Variants in FHAD1 observed in about 807,000 individuals in gnomAD.
The protein encoded by FHAD1 is forkhead associated phosphopeptide binding domain 1, also known as forkhead-associated domain-containing protein 1.
In FHAD1, 146 loss-of-function variants were observed where a neutral mutation model predicts 191.3. The observed-to-expected ratio is 0.76, with a 90% confidence interval of 0.67 to 0.88. The LOEUF is 0.88. FHAD1 is among the 40% of genes least tolerant of loss of function. The pLI is 0.00. For missense variants in FHAD1, 1,635 were observed against 1,785.8 expected (o/e 0.92, Z 1.52); for synonymous variants, 616 against 672.3 (o/e 0.92, Z 1.29).
At chr1:15,366,655 T>C (rs991150187) in intron 24 of FHAD1, among the ~76,000 whole-genome samples, 1 of 152,198 alleles carries the variant, frequency 6.6e-6, no homozygotes, top group Non-Finnish European at 1.5e-5. Context: ...CCAGGCCTTC[T>C]CTTCCTCAGA....
chr1:15,359,433 G>A (rs1004901914), intron 21 of FHAD1, among the ~76,000 whole-genome samples: 14 of 152,250 alleles, frequency 9.2e-5, no homozygotes, highest in African/African-American at 3.4e-4. Context: ...GGGAGCAGAA[G>A]GCGGGCAGTG....
chr1:15,402,038 A>C (rs1033483828), downstream of FHAD1, among the ~76,000 whole-genome samples: 14 of 152,348 alleles, frequency 9.2e-5, no homozygotes, highest in African/African-American at 2.9e-4. Context: ...CATCTTTAGC[A>C]AACTGTTTTC....
chr1:15,390,112 G>A (rs1212244006), intron 32 of FHAD1, among the ~76,000 whole-genome samples: 2 of 152,078 alleles, frequency 1.3e-5, no homozygotes, highest in African/African-American at 4.8e-5. Context: ...TTGGGAGGAC[G>A]AGGCAGGCTG....
intron 31 of FHAD1, among the ~76,000 whole-genome samples, chr1:15,385,418 CCT>C (rs1184264541): frequency 1.3e-5 from 2 of 152,142 alleles, no homozygotes. Context: ...ACTATCCGCC[CCT>C]GACACACAGA....
chr1:15,296,251 A>ATTTTT (rs779409884), intron 4 of FHAD1, among the ~76,000 whole-genome samples: 1 of 134,596 alleles, frequency 7.4e-6, no homozygotes, highest in Non-Finnish European at 1.6e-5. Flanking sequence ...CCACTTTGTA[A>ATTTTT]TTTTTTTTTT....
chr1:15,313,020 C>T (rs1488011723), intron 7 of FHAD1, 37 bp from the exon 8 acceptor site: 1 of 1,549,218 alleles, frequency 6.5e-7, no homozygotes, highest in Non-Finnish European at 8.7e-7. Context: ...GTCATCCTCA[C>T]TGCCTCTTTG....
At position 15,375,606 on chromosome 1, in the gene FHAD1, A is replaced by C. The variant is rs779918824; in HGVS notation, c.3581A>C (p.His1194Pro). The change falls in exon 28 of 34, where the codon CAT (histidine) becomes CCT (proline). Residue 1194 changes from histidine (H) to proline (P), a missense_variant. Coordinates refer to ENST00000688493, the MANE Select transcript of FHAD1 (RefSeq NM_001391957.1). ...KELEKARSPD[H>P]KDHQNESFLD... ...GTCTACTTTATTTCTTTTACAGATC[A>C]TAAAGACCACCAGAATGAATCATTT... 1 of 1,528,442 alleles carries C rather than the reference A, an allele frequency of 6.5e-7. No homozygotes were observed. Among genetic ancestry groups the C allele is most frequent in the African/African-American group, 1.4e-5 (1 of 71,380 alleles). 94.7% of individuals were successfully genotyped at this position (1,528,442 alleles called of 1,614,324 possible).
At chr1:15,348,984 C>A in intron 18 of FHAD1, 58 bp from the exon 19 acceptor site, 1 of 988,022 alleles carries the variant, frequency 1.0e-6, no homozygotes, top group Non-Finnish European at 1.5e-6. Flanking sequence ...ATTATCATTA[C>A]TAGCAATTTC....
chr1:15,244,146 A>T (rs1423468056), upstream of FHAD1, among the ~76,000 whole-genome samples: 1 of 152,026 alleles, frequency 6.6e-6, no homozygotes, highest in Non-Finnish European at 1.5e-5. This position sits in a 1 kb window ranked among gnomAD's most constrained non-coding sequence, Gnocchi z 5.1. Context: ...ATATCATAAA[A>T]CCCTAAGTTA....
At chr1:15,369,839 G>C (rs1187721324) in intron 26 of FHAD1, among the ~76,000 whole-genome samples, 1 of 152,176 alleles carries the variant, frequency 6.6e-6, no homozygotes, top group Non-Finnish European at 1.5e-5. Flanking sequence ...CTGTGACCTT[G>C]GGGAGGTCAC....
intron 20 of FHAD1, 103 bp downstream of exon 20, chr1:15,353,087 G>A: frequency 2.4e-6 from 2 of 817,476 alleles, no homozygotes; most frequent in Non-Finnish European, 2.0e-6. Context: ...CCCATCCCTG[G>A]CTGGGGGACT....
At chr1:15,395,727 C>T (rs1025337946) in intron 33 of FHAD1, among the ~76,000 whole-genome samples, 3 of 152,180 alleles carry the variant, frequency 2.0e-5, no homozygotes, top group South Asian at 2.1e-4. Context: ...TTGTCCAACC[C>T]GCAGCCCAGG....
In FHAD1 at chr1:15,357,853, C is replaced by T. The variant is rs770157249; in HGVS notation, c.2563-257C>T. On this transcript the variant is annotated intron_variant, in intron 20 of 33. Coordinates refer to ENST00000688493, the MANE Select transcript of FHAD1 (RefSeq NM_001391957.1). Reference sequence around the variant, plus strand: ...GCTGTCTCATAAAAGAGAAATAAAACATACTCAATGAGCTCCAGGTGACAG... The same window carrying T: ...GCTGTCTCATAAAAGAGAAATAAAATATACTCAATGAGCTCCAGGTGACAG... 102 of 357,624 alleles carry T rather than the reference C, an allele frequency of 2.9e-4. 1 individual carries two copies. The highest frequency in any genetic ancestry group is 1.4e-3 in the South Asian group (23 of 16,124). The allele number at this position is 357,624 out of a possible 1,614,324, so 22.2% of individuals were successfully genotyped here. A position where few individuals can be genotyped will look rare whatever the true frequency, so the allele number is the denominator to read the frequency against.
chr1:15,366,037 C>G, intron 24 of FHAD1, 104 bp downstream of exon 24: 1 of 765,622 alleles, frequency 1.3e-6, no homozygotes, highest in Non-Finnish European at 2.1e-6. Context: ...CCTATAATCC[C>G]AGCACTTTGG....
rs1420731703 is a variant in FHAD1, at chr1:15,339,682, G to A, written c.1977+131G>A. The stretch of plus-strand genomic sequence containing the variant: ...GTCCACACCCTCCAATAGGTGAAAT[G>A]ATTTCTTCATTTGCACACAAAGAGG... On this transcript the variant is annotated intron_variant, in intron 15 of 33. Transcript: ENST00000688493. The A allele has an allele frequency of 1.2e-5, 4 of 340,948 alleles. No homozygotes were observed. The East Asian group carries it at 3.3e-4, about 28-fold the overall frequency. 21.1% of individuals were successfully genotyped at this position (340,948 alleles called of 1,614,324 possible). A position where few individuals can be genotyped will look rare whatever the true frequency, so the allele number is the denominator to read the frequency against.
At chr1:15,317,736 C>A in intron 9 of FHAD1, 88 bp from the exon 10 acceptor site, 2 of 788,016 alleles carry the variant, frequency 2.5e-6, no homozygotes, top group Non-Finnish European at 2.1e-6. Context: ...GATGGGATGC[C>A]AGGGGATGAT....
At chr1:15,340,894 T>C (rs1489555211) in intron 15 of FHAD1, among the ~76,000 whole-genome samples, 1 of 152,026 alleles carries the variant, frequency 6.6e-6, no homozygotes, top group Non-Finnish European at 1.5e-5. Flanking sequence ...AATAAAACTT[T>C]ATTTACGGCG....
chr1:15,360,878 C>T (rs1255466408), intron 22 of FHAD1, among the ~76,000 whole-genome samples, 175 bp downstream of exon 22: 1 of 152,104 alleles, frequency 6.6e-6, no homozygotes, highest in African/African-American at 2.4e-5. Flanking sequence ...CCCTCCGAGG[C>T]CCAGGTTCAG....
Position 15,301,234 on chromosome 1 carries a change from G to A in FHAD1, c.708G>A (p.Glu236=). Residue 236 remains glutamate, a synonymous_variant, in exon 6 of 34, where the codon GAG becomes GAA. Coordinates refer to ENST00000688493, the MANE Select transcript of FHAD1 (RefSeq NM_001391957.1). The part of the protein sequence containing the change: ...KDEIILLLGK[E]VSRLSDYEIE... ...AAATAATTCTGCTGCTGGGAAAAGA[G>A]GTCAGCCGTCTCTCAGATTATGAAA... 4 of 1,551,706 alleles carry A rather than the reference G, an allele frequency of 2.6e-6. No individual in the cohort carries two copies. Among genetic ancestry groups the A allele is most frequent in the South Asian group, 1.2e-5 (1 of 84,048 alleles).
Sources: gnomAD v4.1 joint callset for allele counts (sites outside exome capture counted in the v4.1 genomes callset) on GRCh38, gnomAD v4.1.1 for gene constraint, Gnocchi (gnomAD v3.1) non-coding constraint, MANE v1.5 for transcripts, NCBI Gene and HGNC (gene_info 2026-07-23, HGNC 2026-07-21) for gene names.